Variants in CALN1 observed in about 807,000 individuals in gnomAD.
CALN1 encodes calneuron 1.
In CALN1, 17 loss-of-function variants were observed where a neutral mutation model predicts 30.6. That is an observed-to-expected ratio of 0.56 (90% CI 0.38 to 0.83). CALN1 has a LOEUF of 0.83. CALN1 is among the 40% of genes least tolerant of loss of function. The pLI is 0.00. For synonymous variants in CALN1, 156 were observed against 131.4 expected, an observed-to-expected ratio of 1.19 and a Z score of -1.28; for missense variants, 291 against 354.9, an observed-to-expected ratio of 0.82 and a Z score of 1.45.
intron 3 of CALN1, among the ~76,000 whole-genome samples, chr7:72,170,913 T>C (rs114398147): frequency 0.026 from 3,901 of 152,148 alleles, 179 homozygotes; most frequent in African/African-American, 0.089. Context: ...TTCCAACAAT[T>C]TGGGAGGCCA....
chr7:72,186,479 G>A lies in CALN1; in HGVS notation c.245-80185C>T, dbSNP rs552454395. 8.5e-5 allele frequency among the ~76,000 whole-genome samples: 13 copies of A among 152,138 alleles called. No individual in the cohort carries two copies. In the South Asian group the frequency reaches 2.5e-3, roughly 29 times the overall value. Reference sequence around the variant, plus strand: ...TACATGTGCAGGTTTGTTACCTGACGACATCGCATGATGCTGAGATTTGGT... The same window carrying A: ...TACATGTGCAGGTTTGTTACCTGACAACATCGCATGATGCTGAGATTTGGT... On this transcript the variant is annotated intron_variant, in intron 3 of 6. Transcript: ENST00000395275.
intron 2 of CALN1, among the ~76,000 whole-genome samples, chr7:72,283,559 A>G (rs150877427): frequency 6.6e-6 from 1 of 152,344 alleles, no homozygotes; most frequent in East Asian, 1.9e-4. Flanking sequence ...TATGGAAAGC[A>G]CTGTACTTAG....
At chr7:72,454,892 C>T in the CALN1 span, among the ~76,000 whole-genome samples, 18 of 151,316 alleles carry the variant, frequency 1.2e-4, no homozygotes, top group Non-Finnish European at 1.9e-4. Flanking sequence ...AGTTCAATGG[C>T]ACCATATCCG....
At chr7:72,406,773 G>T (rs187690945) in intron 1 of CALN1, among the ~76,000 whole-genome samples, 1 of 151,894 alleles carries the variant, frequency 6.6e-6, no homozygotes, top group African/African-American at 2.4e-5. Context: ...CACACCACCA[G>T]GCCTGGCTAA....
chr7:72,257,937 G>C (rs978446538), intron 3 of CALN1, among the ~76,000 whole-genome samples: 3 of 152,038 alleles, frequency 2.0e-5, no homozygotes. Flanking sequence ...GCTTAAGAAT[G>C]ATATAATGAA....
intron 3 of CALN1, among the ~76,000 whole-genome samples, chr7:72,143,088 G>T (rs1810074890): frequency 6.6e-6 from 1 of 152,354 alleles, no homozygotes; most frequent in South Asian, 2.1e-4. Context: ...CCAAAGGAAT[G>T]CAGCTCCTCA....
chr7:72,297,530 G>A (rs946074491), intron 2 of CALN1, among the ~76,000 whole-genome samples: 3 of 152,126 alleles, frequency 2.0e-5, no homozygotes, highest in African/African-American at 7.2e-5. Flanking sequence ...TTGCACTCAA[G>A]ATAAAGAAAG....
At chr7:72,111,013 T>C (rs376476129) in intron 3 of CALN1, among the ~76,000 whole-genome samples, 7 of 152,236 alleles carry the variant, frequency 4.6e-5, no homozygotes, top group South Asian at 2.1e-4. Flanking sequence ...CAGGCAGTAA[T>C]GTTGTGTGCT....
At chr7:72,019,956 A>C (rs1450148356) in intron 5 of CALN1, among the ~76,000 whole-genome samples, 1 of 152,198 alleles carries the variant, frequency 6.6e-6, no homozygotes, top group East Asian at 1.9e-4. Context: ...GCCTTGCTAG[A>C]GTCTCTTAAG....
At chr7:72,064,637 G>A (rs955361116) in intron 4 of CALN1, among the ~76,000 whole-genome samples, 9 of 152,250 alleles carry the variant, frequency 5.9e-5, no homozygotes, top group African/African-American at 1.9e-4. Flanking sequence ...TCCTGACATA[G>A]AATCTTCTAA....
intron 3 of CALN1, among the ~76,000 whole-genome samples, chr7:72,209,020 CCTTCCCTCCTTCCT>C (rs1792116350): frequency 1.2e-4 from 2 of 16,088 alleles, no homozygotes; most frequent in East Asian, 1.9e-3. Context: ...CTCTTTCCTT[CCTTCCCTCCTTCCT>C]TCTCTCTCTC....
rs1379827527 is a variant in CALN1, at chr7:71,857,018, G to A, written c.502-46526C>T. Among the ~76,000 whole-genome samples, 15 of 88,920 alleles carry A rather than the reference G, an allele frequency of 1.7e-4. No individual in the cohort carries two copies. The South Asian group carries it at 1.7e-3, about 10-fold the overall frequency. The allele number at this position is 88,920 out of a possible 152,430, so 58.3% of individuals were successfully genotyped here. A position where few individuals can be genotyped will look rare whatever the true frequency, so the allele number is the denominator to read the frequency against. ...ACAACCTCATGGTGTGTATATGTATGTGTGTGTGTGTGTGTGTGTGTGTGT... is the reference window on the plus strand; with the variant it reads ...ACAACCTCATGGTGTGTATATGTATATGTGTGTGTGTGTGTGTGTGTGTGT... On this transcript the variant is annotated intron_variant, in intron 5 of 6. Coordinates refer to ENST00000395275, the MANE Select transcript of CALN1 (RefSeq NM_031468.4).
In CALN1 at chr7:72,361,388, C is replaced by T. The variant is rs1268521798; in HGVS notation, c.119+41863G>A. Among the ~76,000 whole-genome samples, 3 of 152,090 alleles carry T rather than the reference C, an allele frequency of 2.0e-5. No individual in the cohort carries two copies. In the East Asian group the frequency reaches 5.8e-4, roughly 29 times the overall value. ...AGGTGTGATGATGTGCACCTGTAGT[C>T]CCAGCTACTCAGGAGGCTGAGGCAG... is the stretch of plus-strand genomic sequence containing the variant. On this transcript the variant is annotated intron_variant, in intron 2 of 6. Coordinates refer to ENST00000395275, the MANE Select transcript of CALN1 (RefSeq NM_031468.4).
chr7:72,215,421 C>T (rs528927087), intron 3 of CALN1, among the ~76,000 whole-genome samples: 42 of 152,096 alleles, frequency 2.8e-4, no homozygotes, highest in African/African-American at 1.0e-3. Flanking sequence ...TGGTGAAACC[C>T]CGTCTCTACC....
At chr7:72,215,732 G>C (rs1792751162) in intron 3 of CALN1, among the ~76,000 whole-genome samples, 1 of 152,118 alleles carries the variant, frequency 6.6e-6, no homozygotes. Flanking sequence ...AGCAGCTGTG[G>C]ATGGACCCAG....
At chr7:72,049,309 A>G (rs1802684142) in intron 4 of CALN1, among the ~76,000 whole-genome samples, 1 of 152,212 alleles carries the variant, frequency 6.6e-6, no homozygotes, top group African/African-American at 2.4e-5. Flanking sequence ...TGAACTTTAC[A>G]AGAGAGAAAG....
chr7:72,329,982 TAAATAA>T (rs1003058044), intron 2 of CALN1, among the ~76,000 whole-genome samples: 2 of 146,930 alleles, frequency 1.4e-5, no homozygotes, highest in Admixed American at 1.4e-4. Flanking sequence ...AATACATAAA[TAAATAA>T]AAATAAAAAT....
chr7:72,103,276 AC>A, intron 4 of CALN1: 1 of 176,122 alleles, frequency 5.7e-6, no homozygotes, highest in Non-Finnish European at 1.3e-5. Flanking sequence ...CCTGGAAGAC[AC>A]CATCAATGAG....
intron 5 of CALN1, among the ~76,000 whole-genome samples, chr7:71,816,008 T>C (rs951185454): frequency 6.6e-5 from 10 of 151,298 alleles, no homozygotes; most frequent in African/African-American, 2.4e-4. Context: ...TACAGGTGCA[T>C]GACACCAGAC....
Sources: gnomAD v4.1 joint callset for allele counts (sites outside exome capture counted in the v4.1 genomes callset) on GRCh38, gnomAD v4.1.1 for gene constraint, MANE v1.5 for transcripts, NCBI Gene and HGNC (gene_info 2026-07-23, HGNC 2026-07-21) for gene names.